Variants in MCTP1 observed in about 807,000 individuals in gnomAD.
MCTP1 encodes multiple C2 and transmembrane domain containing 1, also known as multiple C2 and transmembrane domain-containing protein 1.
MCTP1 carries 69 observed loss-of-function variants against 120.6 expected under a neutral mutation model. The ratio of observed to expected loss-of-function variants is 0.57; its 90% CI spans 0.47 to 0.70. MCTP1 has a LOEUF of 0.70. Among genes scored for constraint, MCTP1 ranks in the 30% least tolerant of loss-of-function variants. The pLI is 0.00. For missense variants in MCTP1, 1,203 were observed against 1,248.8 expected (o/e 0.96, Z 0.55); for synonymous variants, 529 against 493.1 (o/e 1.07, Z -0.96).
At chr5:94,870,608 A>C in intron 15 of MCTP1, 117 bp from the exon 16 acceptor site, 1 of 791,526 alleles carries the variant, frequency 1.3e-6, no homozygotes. Flanking sequence ...TGCTGTGCTC[A>C]TAAAATATAA....
In MCTP1 at chr5:94,705,231, A is replaced by T. The variant is rs1483398897; in HGVS notation, c.*2265T>A. 1.3e-5 allele frequency: 2 copies of T among 151,534 alleles called. No individual in the cohort carries two copies. The highest frequency in any genetic ancestry group is 1.3e-4 in the Admixed American group (2 of 15,182). 9.4% of individuals were successfully genotyped at this position (151,534 alleles called of 1,614,324 possible). A position where few individuals can be genotyped will look rare whatever the true frequency, so the allele number is the denominator to read the frequency against. Reference sequence around the variant, plus strand: ...ATGTGAGAAGGGGAAAGAAATAAATAGTTAAAATTTTAACTATACATATTC... The same window carrying T: ...ATGTGAGAAGGGGAAAGAAATAAATTGTTAAAATTTTAACTATACATATTC... On this transcript the variant is annotated 3_prime_UTR_variant, in exon 23 of 23. Coordinates refer to ENST00000515393, the MANE Select transcript of MCTP1 (RefSeq NM_024717.7).
At chr5:95,104,832 G>C (rs1756977923) in intron 1 of MCTP1, among the ~76,000 whole-genome samples, 1 of 152,082 alleles carries the variant, frequency 6.6e-6, no homozygotes, top group African/African-American at 2.4e-5. Context: ...CTTCAACACT[G>C]AGTGACCCTT....
chr5:94,905,039 T>C (rs1426247126), intron 10 of MCTP1, among the ~76,000 whole-genome samples: 1 of 152,180 alleles, frequency 6.6e-6, no homozygotes, highest in African/African-American at 2.4e-5. Context: ...AAAAGCAGGT[T>C]CAATTTTAAA....
intron 1 of MCTP1, among the ~76,000 whole-genome samples, chr5:95,220,715 CA>C (rs1233202663): frequency 1.3e-5 from 2 of 152,270 alleles, no homozygotes; most frequent in East Asian, 3.9e-4. Flanking sequence ...AGAGTCATGG[CA>C]ATATTTTTTT....
intron 1 of MCTP1, among the ~76,000 whole-genome samples, chr5:95,190,636 A>C (rs978076371): frequency 5.9e-5 from 9 of 151,884 alleles, no homozygotes; most frequent in African/African-American, 1.9e-4. Context: ...CTTGCTTCCA[A>C]GTTTCCTTAC....
chr5:95,120,908 A>C (rs1194794860), intron 1 of MCTP1, among the ~76,000 whole-genome samples: 1 of 152,202 alleles, frequency 6.6e-6, no homozygotes, highest in Non-Finnish European at 1.5e-5. Context: ...CTGTTTGCAG[A>C]TGATATGATC....
At chr5:94,925,443 C>T (rs1051085141) in intron 6 of MCTP1, among the ~76,000 whole-genome samples, 1 of 151,968 alleles carries the variant, frequency 6.6e-6, no homozygotes, top group African/African-American at 2.4e-5. Context: ...GAGTCTTGCT[C>T]TGTCGCCCAG....
intron 10 of MCTP1, among the ~76,000 whole-genome samples, chr5:94,903,149 T>TAA (rs11399742): frequency 0.023 from 3,464 of 151,302 alleles, 125 homozygotes; most frequent in African/African-American, 0.08. Flanking sequence ...CAATCATTAG[T>TAA]AAAAAAAAAT....
intron 1 of MCTP1, among the ~76,000 whole-genome samples, chr5:95,042,099 T>C (rs1443070664): frequency 7.2e-5 from 11 of 152,222 alleles, no homozygotes; most frequent in African/African-American, 9.6e-5. Context: ...CAGCTGCTTT[T>C]GCTGGTTCAG....
intron 10 of MCTP1, among the ~76,000 whole-genome samples, chr5:94,901,118 G>C (rs1805412296): frequency 6.6e-6 from 1 of 152,154 alleles, no homozygotes; most frequent in South Asian, 2.1e-4. Flanking sequence ...ATTTATATAG[G>C]AAACAGGTTT....
intron 19 of MCTP1, among the ~76,000 whole-genome samples, chr5:94,757,796 ATAGT>A (rs1434043205): frequency 1.3e-5 from 2 of 152,224 alleles, no homozygotes; most frequent in East Asian, 1.9e-4. Flanking sequence ...CACGGAGGAG[ATAGT>A]TAGTCTCCAA....
At chr5:94,821,944 T>C (rs1475649626) in intron 17 of MCTP1, among the ~76,000 whole-genome samples, 1 of 152,182 alleles carries the variant, frequency 6.6e-6, no homozygotes, top group Non-Finnish European at 1.5e-5. Context: ...CGTTATACCA[T>C]TAGCTTGATT....
intron 1 of MCTP1, among the ~76,000 whole-genome samples, chr5:95,264,847 C>T (rs1445503048): frequency 6.6e-6 from 1 of 152,112 alleles, no homozygotes; most frequent in Non-Finnish European, 1.5e-5. Context: ...GAGAGATGTC[C>T]AAAGCGAAGC....
At chr5:94,938,805 A>ACTTC (rs1371514526) in intron 5 of MCTP1, among the ~76,000 whole-genome samples, 2 of 152,054 alleles carry the variant, frequency 1.3e-5, no homozygotes, top group Admixed American at 1.3e-4. Flanking sequence ...GCTAGGTTAT[A>ACTTC]CTTCCTGGCT....
chr5:94,903,484 T>C (rs26997), intron 10 of MCTP1, among the ~76,000 whole-genome samples: 38,897 of 152,196 alleles, frequency 0.26, 5,108 homozygotes, highest in Middle Eastern at 0.34. Context: ...CATTCTCTTC[T>C]CTTCAGCATT....
chr5:94,953,305 T>C lies in MCTP1; in HGVS notation c.895A>G (p.Lys299Glu), dbSNP rs1227828983. 1.9e-6 allele frequency: 3 copies of C among 1,611,880 alleles called. No homozygotes were observed. Among genetic ancestry groups the C allele is most frequent in the Non-Finnish European group, 1.7e-6 (2 of 1,178,870 alleles). Reference sequence around the variant, plus strand: ...GGGTTGAGGTTCTTGTGTATTATCTTACTTCTAAAAACTTCTTTTCCTCCG... The same window carrying C: ...GGGTTGAGGTTCTTGTGTATTATCTCACTTCTAAAAACTTCTTTTCCTCCG... ...KIGGKEVFRS[K>E]IIHKNLNPVW... The change falls in exon 3 of 23, where the codon AAG becomes GAG. Residue 299 changes from lysine to glutamate, a missense_variant. Coordinates refer to ENST00000515393, the MANE Select transcript of MCTP1 (RefSeq NM_024717.7).
chr5:95,236,142 A>G (rs927021017), intron 1 of MCTP1, among the ~76,000 whole-genome samples: 2 of 152,230 alleles, frequency 1.3e-5, no homozygotes, highest in Non-Finnish European at 2.9e-5. Flanking sequence ...TTCAAAGCAG[A>G]GGAGGCCATG....
At chr5:95,102,428 G>A (rs1756804059) in intron 1 of MCTP1, among the ~76,000 whole-genome samples, 1 of 152,196 alleles carries the variant, frequency 6.6e-6, no homozygotes, top group African/African-American at 2.4e-5. Context: ...AATGGCTGTT[G>A]TTTTAAGCCA....
At position 95,117,287 on chromosome 5, in the gene MCTP1, A is replaced by AG. The variant is rs1757890443; in HGVS notation, c.721-99804dup. On this transcript the variant is annotated intron_variant, in intron 1 of 22. Coordinates refer to ENST00000515393, the MANE Select transcript of MCTP1 (RefSeq NM_024717.7). ...GCGCCTGTAGTCCCAGCTACTCAGG[A>AG]GGCTGAGGCCGGAGAATGGCATGAA... is the stretch of plus-strand genomic sequence containing the variant. Among the ~76,000 whole-genome samples the AG allele has an allele frequency of 2.0e-5, 3 of 148,086 alleles. 1 individual carries two copies. In the South Asian group the frequency reaches 6.6e-4, roughly 33 times the overall value.
Sources: gnomAD v4.1 joint callset for allele counts (sites outside exome capture counted in the v4.1 genomes callset) on GRCh38, gnomAD v4.1.1 for gene constraint, MANE v1.5 for transcripts, NCBI Gene and HGNC (gene_info 2026-07-23, HGNC 2026-07-21) for gene names.